Variants in SCHIP1 observed in about 807,000 individuals in gnomAD.
SCHIP1 encodes the protein schwannomin interacting protein 1.
Under a neutral mutation model 29.7 loss-of-function variants are expected in SCHIP1, and 8 were observed. The ratio of observed to expected loss-of-function variants is 0.27; its 90% CI spans 0.16 to 0.49. The LOEUF is 0.49. SCHIP1 is among the 20% of genes least tolerant of loss of function. SCHIP1 has a pLI of 0.99. For synonymous variants in SCHIP1, 76 were observed against 94.9 expected (o/e 0.80, Z 1.16); for missense variants, 193 against 294.6 (o/e 0.66, Z 2.52).
At chr3:159,357,493 G>A in the SCHIP1 span, among the ~76,000 whole-genome samples, 2 of 152,116 alleles carry the variant, frequency 1.3e-5, no homozygotes, top group Non-Finnish European at 2.9e-5. Flanking sequence ...ATCAATGAGA[G>A]GACAGGAACT....
chr3:159,763,759 G>A, the SCHIP1 span: 1 of 152,232 alleles, frequency 6.6e-6, no homozygotes, highest in Non-Finnish European at 1.5e-5. Context: ...TTGGGGAGGC[G>A]GGGGACCACC....
the SCHIP1 span, among the ~76,000 whole-genome samples, chr3:159,711,898 C>T: frequency 6.6e-6 from 1 of 152,102 alleles, no homozygotes; most frequent in East Asian, 1.9e-4. Flanking sequence ...TAAGCTTCCC[C>T]CTGAACCGTT....
the SCHIP1 span, among the ~76,000 whole-genome samples, chr3:159,496,972 G>A: frequency 6.6e-6 from 1 of 152,130 alleles, no homozygotes; most frequent in African/African-American, 2.4e-5. Flanking sequence ...GGATGACGCT[G>A]GAAACCATCA....
chr3:159,416,924 C>G, the SCHIP1 span, among the ~76,000 whole-genome samples: 4,471 of 152,232 alleles, frequency 0.029, 242 homozygotes, highest in African/African-American at 0.1. Context: ...GGGAAAGCAG[C>G]CTTTAGCTTT....
chr3:159,889,698 G>C (rs909186337), intron 5 of SCHIP1, among the ~76,000 whole-genome samples: 1 of 152,174 alleles, frequency 6.6e-6, no homozygotes, highest in Non-Finnish European at 1.5e-5. Context: ...AAAAAGAAAA[G>C]AGCATTTATG....
At chr3:159,527,388 T>C in the SCHIP1 span, among the ~76,000 whole-genome samples, 2 of 152,200 alleles carry the variant, frequency 1.3e-5, no homozygotes, top group Non-Finnish European at 2.9e-5. Context: ...ACACTTGCTT[T>C]ATATATCCAG....
At chr3:159,578,187 T>G in the SCHIP1 span, among the ~76,000 whole-genome samples, 4 of 152,152 alleles carry the variant, frequency 2.6e-5, no homozygotes, top group Non-Finnish European at 5.9e-5. Context: ...TGGGTTATAC[T>G]AGAATAATCT....
In SCHIP1 at chr3:159,867,975, T is replaced by TTATATATATATATATAAATCAATGATTTA. The variant is rs1251086243; in HGVS notation, c.149+1705_149+1733dup. Among the ~76,000 whole-genome samples, 13 of 146,454 alleles carry TTATATATATATATATAAATCAATGATTTA rather than the reference T, an allele frequency of 8.9e-5. No homozygotes were observed. In the East Asian group the frequency reaches 1.2e-3, roughly 13 times the overall value. On this transcript the variant is annotated intron_variant, in intron 2 of 6. Coordinates refer to ENST00000445224, the Ensembl canonical transcript of SCHIP1. ...GGTTTTGATTTTGAAAATCAGTGAT[T>TTATATATATATATATAAATCAATGATTTA]TATATATATATATATAAATCAATGA...
chr3:159,732,504 T>G, the SCHIP1 span, among the ~76,000 whole-genome samples: 4 of 152,272 alleles, frequency 2.6e-5, no homozygotes, highest in African/African-American at 9.6e-5. Context: ...GCTAGAGAAT[T>G]TCAGGGTCAG....
chr3:159,779,326 A>G, the SCHIP1 span, among the ~76,000 whole-genome samples: 1 of 152,164 alleles, frequency 6.6e-6, no homozygotes, highest in Non-Finnish European at 1.5e-5. Context: ...TCAGAATTTC[A>G]AAAACTAAAC....
chr3:159,498,889 A>G, the SCHIP1 span, among the ~76,000 whole-genome samples: 8 of 152,310 alleles, frequency 5.3e-5, no homozygotes, highest in South Asian at 1.4e-3. Flanking sequence ...TGAAATATTC[A>G]CCAAATATTG....
At chr3:159,542,421 A>C in the SCHIP1 span, among the ~76,000 whole-genome samples, 1 of 152,060 alleles carries the variant, frequency 6.6e-6, no homozygotes, top group Non-Finnish European at 1.5e-5. Context: ...CTACATATTA[A>C]CTTGCATTTT....
chr3:159,395,987 C>T, the SCHIP1 span, among the ~76,000 whole-genome samples: 3,035 of 151,706 alleles, frequency 0.02, 57 homozygotes, highest in Admixed American at 0.04. Flanking sequence ...GGACTTGCTT[C>T]ATGTATCTGG....
At chr3:159,316,539 G>C in the SCHIP1 span, among the ~76,000 whole-genome samples, 2 of 152,108 alleles carry the variant, frequency 1.3e-5, no homozygotes, top group African/African-American at 4.8e-5. Context: ...TTAATACTTT[G>C]TATCCCTCAA....
At chr3:159,724,317 T>C in the SCHIP1 span, among the ~76,000 whole-genome samples, 2 of 152,128 alleles carry the variant, frequency 1.3e-5, no homozygotes, top group African/African-American at 4.8e-5. Context: ...TAATGTGAGT[T>C]AGGAGGAAGG....
At chr3:159,589,301 A>G in the SCHIP1 span, among the ~76,000 whole-genome samples, 1 of 152,196 alleles carries the variant, frequency 6.6e-6, no homozygotes, top group Non-Finnish European at 1.5e-5. Flanking sequence ...TGATTTTTGC[A>G]CATTGATTTT....
the SCHIP1 span, among the ~76,000 whole-genome samples, chr3:159,399,809 T>C: frequency 1.6e-4 from 24 of 152,180 alleles, no homozygotes; most frequent in Non-Finnish European, 2.8e-4. Context: ...CCTGGGTAGC[T>C]AGGATTATAG....
chr3:159,873,920 A>C (rs1715520286), intron 2 of SCHIP1, among the ~76,000 whole-genome samples: 1 of 152,180 alleles, frequency 6.6e-6, no homozygotes, highest in South Asian at 2.1e-4. Context: ...ATATGTTTTC[A>C]TTGGCCAAAC....
chr3:159,516,722 T>A, the SCHIP1 span, among the ~76,000 whole-genome samples: 19 of 152,128 alleles, frequency 1.2e-4, no homozygotes, highest in African/African-American at 3.6e-4. Flanking sequence ...TCCATCTTGA[T>A]CTCACCAGTG....
Sources: gnomAD v4.1 joint callset for allele counts (sites outside exome capture counted in the v4.1 genomes callset) on GRCh38, gnomAD v4.1.1 for gene constraint, MANE v1.5 for transcripts, NCBI Gene and HGNC (gene_info 2026-07-23, HGNC 2026-07-21) for gene names.